The following ZNF704 variants were observed in gnomAD, a reference collection of about 807,000 sequenced individuals.
The protein encoded by ZNF704 is zinc finger protein 704, also known as glucocorticoid induced gene 1.
In ZNF704, 10 loss-of-function variants were observed where a neutral mutation model predicts 44.7. The ratio of observed to expected loss-of-function variants is 0.22; its 90% confidence interval spans 0.14 to 0.38. The LOEUF is 0.38. Among genes scored for constraint, ZNF704 ranks in the 10% least tolerant of loss-of-function variants. The pLI is 1.00. For missense variants in ZNF704, 390 were observed against 545.5 expected (o/e 0.71, Z 2.84); for synonymous variants, 211 against 207.6 (o/e 1.02, Z -0.14).
intron 2 of ZNF704, among the ~76,000 whole-genome samples, chr8:80,781,244 A>G (rs1241976629): frequency 6.6e-6 from 1 of 152,178 alleles, no homozygotes; most frequent in Admixed American, 6.5e-5. Flanking sequence ...CCATCCCATT[A>G]ACACAAGAGT....
chr8:80,803,803 C>T (rs1412780261), intron 2 of ZNF704, among the ~76,000 whole-genome samples: 1 of 152,102 alleles, frequency 6.6e-6, no homozygotes, highest in Non-Finnish European at 1.5e-5. Context: ...ACACCAAAAG[C>T]AATCAGAACA....
intron 5 of ZNF704, among the ~76,000 whole-genome samples, chr8:80,666,426 C>T (rs1235836376): frequency 4.6e-5 from 7 of 151,230 alleles, no homozygotes; most frequent in Non-Finnish European, 1.0e-4. Flanking sequence ...AATAAACATA[C>T]GTGTGCATGT....
At chr8:80,719,990 G>A (rs1456750846) in intron 2 of ZNF704, among the ~76,000 whole-genome samples, 1 of 152,146 alleles carries the variant, frequency 6.6e-6, no homozygotes, top group Non-Finnish European at 1.5e-5. Flanking sequence ...ATAACACCAC[G>A]AGAAAAGTGA....
At chr8:80,674,144 G>A (rs947132378) in intron 4 of ZNF704, among the ~76,000 whole-genome samples, 1 of 152,188 alleles carries the variant, frequency 6.6e-6, no homozygotes, top group African/African-American at 2.4e-5. Context: ...TTATTCCAAG[G>A]AGACGGTTCA....
intron 1 of ZNF704, among the ~76,000 whole-genome samples, chr8:80,860,389 C>A (rs907044622): frequency 1.3e-5 from 2 of 152,218 alleles, no homozygotes; most frequent in Non-Finnish European, 2.9e-5. Flanking sequence ...AAATCAACCC[C>A]TTCTAGCTTT....
At chr8:80,674,508 T>C (rs754551797) in intron 4 of ZNF704, among the ~76,000 whole-genome samples, 2 of 152,112 alleles carry the variant, frequency 1.3e-5, no homozygotes, top group Admixed American at 6.5e-5. Flanking sequence ...TGCAGGAATA[T>C]GCCAAGAGGG....
intron 2 of ZNF704, among the ~76,000 whole-genome samples, chr8:80,731,018 G>A (rs1432312689): frequency 1.3e-5 from 2 of 152,130 alleles, no homozygotes; most frequent in Non-Finnish European, 2.9e-5. Context: ...GGAACCACCC[G>A]TCTAAGAGAT....
chr8:80,883,322 G>T, the ZNF704 span, among the ~76,000 whole-genome samples: 2 of 150,624 alleles, frequency 1.3e-5, no homozygotes, highest in Non-Finnish European at 1.5e-5. Context: ...AATAAGCAAT[G>T]TTTTCCAAAA....
chr8:80,715,770 A>G (rs2007431), intron 2 of ZNF704, among the ~76,000 whole-genome samples: 26,433 of 152,116 alleles, frequency 0.17, 4,683 homozygotes, highest in African/African-American at 0.46. Flanking sequence ...ACTCTAATAC[A>G]AAGTCAGATT....
At chr8:80,716,437 T>C (rs1819073277) in intron 2 of ZNF704, among the ~76,000 whole-genome samples, 2 of 152,214 alleles carry the variant, frequency 1.3e-5, no homozygotes, top group African/African-American at 2.4e-5. Context: ...AAAGGAATCA[T>C]AGTTCATCTG....
chr8:80,653,745 C>G (rs1252494401), intron 7 of ZNF704, among the ~76,000 whole-genome samples: 2 of 152,240 alleles, frequency 1.3e-5, no homozygotes, highest in East Asian at 1.9e-4. Flanking sequence ...GAATCAATAT[C>G]GTGAAAATGG....
At chr8:80,870,550 A>C (rs1400197612) in intron 1 of ZNF704, among the ~76,000 whole-genome samples, 1 of 152,118 alleles carries the variant, frequency 6.6e-6, no homozygotes, top group African/African-American at 2.4e-5. Flanking sequence ...AATACAGTTC[A>C]TTACTCCCCA....
In ZNF704 at chr8:80,711,498, T is replaced by C. The variant is rs577786691; in HGVS notation, c.222-18391A>G. On this transcript the variant is annotated intron_variant, in intron 2 of 8. Coordinates refer to ENST00000327835, the MANE Select transcript of ZNF704 (RefSeq NM_001033723.3). ...TATATTATTTCAGTGGGTTAACAGA[T>C]TCTTTGAAATTGATCCATAACCTCC... 3.5e-4 allele frequency among the ~76,000 whole-genome samples: 53 copies of C among 152,320 alleles called. 1 individual carries two copies. In the South Asian group the frequency reaches 0.011, roughly 31 times the overall value.
intron 7 of ZNF704, among the ~76,000 whole-genome samples, chr8:80,650,925 G>C (rs1227468684): frequency 6.6e-6 from 1 of 152,160 alleles, no homozygotes; most frequent in African/African-American, 2.4e-5. Context: ...AGAAAGGTTG[G>C]GTTACCCACA....
upstream of ZNF704, among the ~76,000 whole-genome samples, chr8:80,876,640 G>T (rs1180678145): frequency 6.6e-6 from 1 of 152,138 alleles, no homozygotes; most frequent in Non-Finnish European, 1.5e-5. Flanking sequence ...CTCTTTCTGT[G>T]CCTGTTTCCT....
intron 1 of ZNF704, among the ~76,000 whole-genome samples, chr8:80,835,021 T>C (rs1194190408): frequency 1.3e-5 from 2 of 152,218 alleles, no homozygotes; most frequent in East Asian, 3.8e-4. Context: ...GACAATTTAA[T>C]ATTCAACAAA....
At position 80,863,106 on chromosome 8, in the gene ZNF704, A is replaced by G. The variant is rs1486826361; in HGVS notation, c.-22+11465T>C. The stretch of plus-strand genomic sequence containing the variant: ...AAAACAAGACTACATTTTTTCAAAT[A>G]GGTACTCTTCAGATATTTATTTTTA... On this transcript the variant is annotated intron_variant, in intron 1 of 8. Coordinates refer to ENST00000327835, the MANE Select transcript of ZNF704 (RefSeq NM_001033723.3). Among the ~76,000 whole-genome samples the G allele has an allele frequency of 4.6e-5, 7 of 152,188 alleles. No individual in the cohort carries two copies. The East Asian group carries it at 1.3e-3, about 29-fold the overall frequency.
chr8:80,817,014 CAATT>C (rs1386460959), intron 2 of ZNF704, among the ~76,000 whole-genome samples: 5 of 152,024 alleles, frequency 3.3e-5, no homozygotes, highest in South Asian at 2.1e-4. Context: ...TCTCATGACT[CAATT>C]AATTAATTAA....
intron 2 of ZNF704, among the ~76,000 whole-genome samples, chr8:80,698,618 G>C (rs554277462): frequency 4.0e-4 from 61 of 152,316 alleles, no homozygotes; most frequent in Admixed American, 3.4e-3. Flanking sequence ...TGGCTGCCGT[G>C]TGGAAAATGA....
Sources: gnomAD v4.1 joint callset for allele counts (sites outside exome capture counted in the v4.1 genomes callset) on GRCh38, gnomAD v4.1.1 for gene constraint, MANE v1.5 for transcripts, NCBI Gene and HGNC (gene_info 2026-07-23, HGNC 2026-07-21) for gene names.